DNAJC12: variants seen among roughly 807,000 people sequenced by gnomAD.
The protein encoded by DNAJC12 is DnaJ heat shock protein family (Hsp40) member C12.
A neutral mutation model predicts 28.5 loss-of-function variants in DNAJC12; 25 were observed. The ratio of observed to expected loss-of-function variants is 0.88; its 90% CI spans 0.64 to 1.22. The LOEUF is 1.22. Among genes scored for constraint, DNAJC12 ranks in the 50% most tolerant of loss-of-function variants. DNAJC12 has a pLI of 0.00. For missense variants in DNAJC12, 222 were observed against 231.7 expected (o/e 0.96, Z 0.27); for synonymous variants, 77 against 80.6 (o/e 0.95, Z 0.24).
chr10:67,810,677 G>A (rs1211036684), intron 3 of DNAJC12, among the ~76,000 whole-genome samples: 4 of 152,142 alleles, frequency 2.6e-5, no homozygotes, highest in Non-Finnish European at 4.4e-5. Context: ...TTGGGAGGCC[G>A]AGGTCTTTTA....
intron 1 of DNAJC12, among the ~76,000 whole-genome samples, chr10:67,836,226 A>G (rs1379477366): frequency 3.3e-5 from 5 of 152,092 alleles, no homozygotes; most frequent in African/African-American, 1.2e-4. Flanking sequence ...GAGGGACAGC[A>G]TTAGGACAAA....
At chr10:67,819,410 A>G (rs1050051103) in intron 2 of DNAJC12, among the ~76,000 whole-genome samples, 2 of 151,788 alleles carry the variant, frequency 1.3e-5, no homozygotes, top group Non-Finnish European at 2.9e-5. Flanking sequence ...AGGCCGAGGC[A>G]GGCGAATCAC....
chr10:67,815,508 C>CAAAAAAAAAAAAAAAAAAAA (rs762037586), intron 2 of DNAJC12, among the ~76,000 whole-genome samples: 4 of 65,760 alleles, frequency 6.1e-5, no homozygotes, highest in African/African-American at 2.2e-4. Flanking sequence ...TACTTCGTCT[C>CAAAAAAAAAAAAAAAAAAAA]AAAAAAAAAA....
intron 4 of DNAJC12, among the ~76,000 whole-genome samples, chr10:67,800,219 C>A (rs1343281916): frequency 1.1e-4 from 2 of 17,912 alleles, no homozygotes; most frequent in Admixed American, 7.8e-4. Flanking sequence ...GAGACTCTAT[C>A]TCAAAAAAAA....
intron 3 of DNAJC12, 26 bp downstream of exon 3, chr10:67,811,498 C>G (rs1396395614): frequency 6.2e-7 from 1 of 1,613,328 alleles, no homozygotes; most frequent in Admixed American, 1.7e-5. Context: ...TTCACAAATT[C>G]ACGTCGCACC....
At chr10:67,837,229 A>G (rs1842149599) in intron 1 of DNAJC12, among the ~76,000 whole-genome samples, 1 of 152,070 alleles carries the variant, frequency 6.6e-6, no homozygotes, top group African/African-American at 2.4e-5. Flanking sequence ...TAGAAAGAAT[A>G]GTGGAGATTA....
At chr10:67,803,646 C>T (rs1484297821) in intron 4 of DNAJC12, among the ~76,000 whole-genome samples, 3 of 152,174 alleles carry the variant, frequency 2.0e-5, no homozygotes, top group Non-Finnish European at 4.4e-5. Flanking sequence ...CACACTACAC[C>T]TAATTTTGGT....
At chr10:67,821,510 C>G (rs1841980867) in intron 2 of DNAJC12, among the ~76,000 whole-genome samples, 1 of 151,902 alleles carries the variant, frequency 6.6e-6, no homozygotes, top group Non-Finnish European at 1.5e-5. Flanking sequence ...GAGCAAAACT[C>G]TGTCTCAAAA....
At chr10:67,818,673 T>C (rs905627878) in intron 2 of DNAJC12, among the ~76,000 whole-genome samples, 1 of 152,084 alleles carries the variant, frequency 6.6e-6, no homozygotes, top group African/African-American at 2.4e-5. Context: ...TTTTTTTTTT[T>C]GAGACACAAT....
intron 1 of DNAJC12, among the ~76,000 whole-genome samples, chr10:67,831,748 T>C (rs925483301): frequency 3.3e-5 from 5 of 152,260 alleles, no homozygotes; most frequent in Non-Finnish European, 5.9e-5. Context: ...ACTAGCATCA[T>C]GTCTCACCTT....
chr10:67,822,014 TTCC>T (rs1341805586), intron 2 of DNAJC12, among the ~76,000 whole-genome samples: 1 of 152,184 alleles, frequency 6.6e-6, no homozygotes, highest in Non-Finnish European at 1.5e-5. Context: ...TTTGAAATGT[TTCC>T]AAATGGAAAT....
At chr10:67,837,471 CTT>C (rs2131819977) in intron 1 of DNAJC12, among the ~76,000 whole-genome samples, 1 of 152,100 alleles carries the variant, frequency 6.6e-6, no homozygotes, top group Admixed American at 6.5e-5. Context: ...TAAAGGGATG[CTT>C]CTTTGTTTCT....
At chr10:67,812,363 G>A (rs1405653639) in intron 2 of DNAJC12, among the ~76,000 whole-genome samples, 1 of 152,156 alleles carries the variant, frequency 6.6e-6, no homozygotes, top group East Asian at 1.9e-4. Context: ...GCTTTTTGTC[G>A]TAAGAGAAAC....
intron 4 of DNAJC12, among the ~76,000 whole-genome samples, chr10:67,805,038 G>GA (rs1397256421): frequency 1.3e-5 from 2 of 151,554 alleles, no homozygotes; most frequent in Non-Finnish European, 2.9e-5. Flanking sequence ...TCTCAAAAAA[G>GA]AAAAAAAATT....
chr10:67,819,729 A>AGGGAGG (rs1841959462), intron 2 of DNAJC12, among the ~76,000 whole-genome samples: 1 of 21,974 alleles, frequency 4.6e-5, no homozygotes, highest in Non-Finnish European at 9.5e-5. Context: ...CAAGGAAGGA[A>AGGGAGG]GGAAGGAAGG....
chr10:67,831,761 T>A (rs1842095749), intron 1 of DNAJC12, among the ~76,000 whole-genome samples: 1 of 152,216 alleles, frequency 6.6e-6, no homozygotes, highest in Non-Finnish European at 1.5e-5. Context: ...CTCACCTTTT[T>A]GTTTTGTTTT....
intron 1 of DNAJC12, among the ~76,000 whole-genome samples, chr10:67,834,647 G>A (rs1052524188): frequency 6.6e-6 from 1 of 152,126 alleles, no homozygotes; most frequent in African/African-American, 2.4e-5. Context: ...GGACAACATG[G>A]TGAAAGCTCA....
intron 4 of DNAJC12, among the ~76,000 whole-genome samples, chr10:67,805,028 T>A (rs1841784508): frequency 1.3e-5 from 2 of 151,980 alleles, no homozygotes; most frequent in African/African-American, 4.8e-5. Flanking sequence ...TGAGACTCCA[T>A]CTCAAAAAAG....
chr10:67,813,170 C>T (rs1160548211), intron 2 of DNAJC12, among the ~76,000 whole-genome samples: 2 of 152,082 alleles, frequency 1.3e-5, no homozygotes, highest in Admixed American at 6.6e-5. Flanking sequence ...CCAGACAACT[C>T]GCTCACTCTG....
Sources: gnomAD v4.1 joint callset for allele counts (sites outside exome capture counted in the v4.1 genomes callset) on GRCh38, gnomAD v4.1.1 for gene constraint, MANE v1.5 for transcripts, NCBI Gene and HGNC (gene_info 2026-07-23, HGNC 2026-07-21) for gene names.